SEM1: variants seen among roughly 807,000 people sequenced by gnomAD.
The protein encoded by SEM1 is SEM1 26S proteasome subunit.
SEM1 carries 3 observed loss-of-function variants against 12.7 expected under a neutral mutation model. The observed-to-expected ratio is 0.24, with a 90% CI of 0.11 to 0.61. SEM1 has a LOEUF of 0.61. Among genes scored for constraint, SEM1 ranks in the 20% least tolerant of loss-of-function variants. The pLI is 0.88. For synonymous variants in SEM1, 30 were observed against 27.8 expected, an observed-to-expected ratio of 1.08 and a Z score of -0.25; for missense variants, 59 against 81.3, an observed-to-expected ratio of 0.73 and a Z score of 1.06.
Position 96,517,158 on chromosome 7 carries a change from T to G in SEM1, c.171-10460A>C, listed in dbSNP as rs549400864. 4.6e-5 allele frequency among the ~76,000 whole-genome samples: 7 copies of G among 152,290 alleles called. No homozygotes were observed. In the South Asian group the frequency reaches 1.5e-3, roughly 32 times the overall value. On this transcript the variant is annotated intron_variant and NMD_transcript_variant, in intron 2 of 3. Coordinates refer to the SEM1 transcript ENST00000466986. ...ATACTGTAATGGTGGATACATATCATAATACATTTGTCCTAATGTGTAGAA... is the reference window on the plus strand; with the variant it reads ...ATACTGTAATGGTGGATACATATCAGAATACATTTGTCCTAATGTGTAGAA...
At chr7:96,540,936 G>A (rs1804927354) in intron 2 of SEM1, among the ~76,000 whole-genome samples, 1 of 151,808 alleles carries the variant, frequency 6.6e-6, no homozygotes, top group African/African-American at 2.4e-5. Context: ...TTATAGCTGT[G>A]TAGTATTCCA....
downstream of SEM1, among the ~76,000 whole-genome samples, chr7:96,685,595 A>T (rs1321001574): frequency 6.6e-6 from 1 of 151,996 alleles, no homozygotes; most frequent in African/African-American, 2.4e-5. Context: ...CTGAGTGACT[A>T]TGGGCAAATT....
intron 2 of SEM1, among the ~76,000 whole-genome samples, chr7:96,515,258 A>G (rs1804052077): frequency 6.6e-6 from 1 of 152,302 alleles, no homozygotes; most frequent in South Asian, 2.1e-4. Flanking sequence ...TTATGCAGCC[A>G]ACAGACATAT....
intron 2 of SEM1, among the ~76,000 whole-genome samples, chr7:96,652,364 CTATA>C (rs1809027408): frequency 6.6e-6 from 1 of 151,698 alleles, no homozygotes. Context: ...TATTTGAATT[CTATA>C]TATATTGTAC....
chr7:96,588,156 C>T (rs1420248378), intron 2 of SEM1, among the ~76,000 whole-genome samples: 1 of 146,764 alleles, frequency 6.8e-6, no homozygotes, highest in African/African-American at 2.5e-5. Context: ...ATCGCTTGAG[C>T]CCAGGACTTT....
At chr7:96,676,229 C>T (rs1789446301) in intron 2 of SEM1, among the ~76,000 whole-genome samples, 1 of 152,160 alleles carries the variant, frequency 6.6e-6, no homozygotes, top group Non-Finnish European at 1.5e-5. Flanking sequence ...GAAATAAAGA[C>T]CTGGAGATTA....
At chr7:96,612,083 A>G (rs1265746339) in intron 2 of SEM1, among the ~76,000 whole-genome samples, 1 of 152,218 alleles carries the variant, frequency 6.6e-6, no homozygotes, top group Non-Finnish European at 1.5e-5. Flanking sequence ...GTAAGTACTA[A>G]TAAGCATTAT....
At chr7:96,576,954 C>T (rs1469656507) in intron 2 of SEM1, among the ~76,000 whole-genome samples, 1 of 152,002 alleles carries the variant, frequency 6.6e-6, no homozygotes, top group African/African-American at 2.4e-5. Flanking sequence ...CCCGTTTCTA[C>T]TAAAAATACA....
At chr7:96,646,399 C>T (rs1488806526) in intron 2 of SEM1, among the ~76,000 whole-genome samples, 4 of 152,168 alleles carry the variant, frequency 2.6e-5, no homozygotes, top group Admixed American at 2.6e-4. Flanking sequence ...CTCAAAGTTT[C>T]TCTTATGTTC....
chr7:96,693,760 T>TTGTGTGTGTGTGTGTGTGTGTG (rs566641071), intron 2 of SEM1, among the ~76,000 whole-genome samples: 55 of 139,624 alleles, frequency 3.9e-4, no homozygotes, highest in African/African-American at 4.8e-4. Context: ...ACAATTCCAC[T>TTGTGTGTGTGTGTGTGTGTGTG]TGTGTGTGTG....
chr7:96,688,553 T>C (rs1166043636), downstream of SEM1: 1 of 158,452 alleles, frequency 6.3e-6, no homozygotes, highest in Non-Finnish European at 1.4e-5. Flanking sequence ...GAAGTAACAA[T>C]TAATTGATGT....
At chr7:96,559,929 G>A (rs1805640161) in intron 2 of SEM1, among the ~76,000 whole-genome samples, 1 of 152,192 alleles carries the variant, frequency 6.6e-6, no homozygotes, top group African/African-American at 2.4e-5. Flanking sequence ...CTATGGGATA[G>A]AAACACCTTG....
chr7:96,602,943 A>G (rs1178361535), intron 2 of SEM1, among the ~76,000 whole-genome samples: 1 of 152,232 alleles, frequency 6.6e-6, no homozygotes, highest in Non-Finnish European at 1.5e-5. Context: ...ATGGAGAAAC[A>G]ATCAGGATAA....
chr7:96,679,163 T>C (rs1032319960), intron 2 of SEM1, among the ~76,000 whole-genome samples: 19 of 152,114 alleles, frequency 1.2e-4, no homozygotes, highest in East Asian at 3.9e-4. Flanking sequence ...AAAGAAGTAA[T>C]TGTTGAAAGA....
At chr7:96,485,533 A>ATTT (rs1802715905) in intron 2 of SEM1, among the ~76,000 whole-genome samples, 3 of 88,762 alleles carry the variant, frequency 3.4e-5, no homozygotes, top group Non-Finnish European at 6.8e-5. Context: ...CCATCTCTAC[A>ATTT]TTCTTTTTTT....
intron 2 of SEM1, among the ~76,000 whole-genome samples, chr7:96,648,934 C>T (rs533613927): frequency 1.3e-5 from 2 of 152,158 alleles, no homozygotes; most frequent in Admixed American, 1.3e-4. Flanking sequence ...GTTTTTTTCC[C>T]CTGCCTGGAT....
chr7:96,487,824 G>A (rs1802835265), intron 1 of SEM1, among the ~76,000 whole-genome samples: 1 of 150,064 alleles, frequency 6.7e-6, no homozygotes, highest in South Asian at 2.1e-4. Context: ...CAAACACTGA[G>A]ACTCTGATTC....
chr7:96,552,809 C>T (rs1194580438), intron 2 of SEM1, among the ~76,000 whole-genome samples: 1 of 151,862 alleles, frequency 6.6e-6, no homozygotes, highest in African/African-American at 2.4e-5. Flanking sequence ...ACAGTCCCAC[C>T]AACAGTATAA....
chr7:96,589,057 C>A (rs980349249), intron 2 of SEM1, among the ~76,000 whole-genome samples: 3 of 152,184 alleles, frequency 2.0e-5, no homozygotes, highest in African/African-American at 7.2e-5. Flanking sequence ...ATGGCTGTTG[C>A]CTCTGATGAT....
Sources: allele counts gnomAD v4.1 joint callset (sites outside exome capture counted in the v4.1 genomes callset), GRCh38; gene constraint gnomAD v4.1.1; transcripts MANE v1.5; gene names NCBI Gene and HGNC (gene_info 2026-07-23, HGNC 2026-07-21).